DHX40: variants seen among roughly 807,000 people sequenced by gnomAD.
The protein encoded by DHX40 is probable ATP-dependent RNA helicase DHX40.
Under a neutral mutation model 89.6 loss-of-function variants are expected in DHX40, and 28 were observed. The ratio of observed to expected loss-of-function variants is 0.31; its 90% CI spans 0.23 to 0.43. DHX40 has a LOEUF of 0.43. Ranked by LOEUF, DHX40 falls within the 20% of genes least tolerant of loss-of-function variation. The pLI, the probability that DHX40 is intolerant of heterozygous loss-of-function variation, is 1.00. For missense variants in DHX40, 457 were observed against 844.0 expected, an observed-to-expected ratio of 0.54 and a Z score of 5.68; for synonymous variants, 226 against 283.6, an observed-to-expected ratio of 0.80 and a Z score of 2.04.
chr17:59,592,673 G>A (rs1416846749), intron 12 of DHX40, among the ~76,000 whole-genome samples: 1 of 133,956 alleles, frequency 7.5e-6, no homozygotes, highest in African/African-American at 2.9e-5. Flanking sequence ...CACTTCCTGG[G>A]TTCAAGCAGT....
rs763694059 is a variant in DHX40, at chr17:59,602,586, G to A, written c.1871G>A (p.Cys624Tyr). The change falls in exon 15 of 18, where the codon TGT (cysteine) becomes TAT (tyrosine). Residue 624 changes from cysteine (C) to tyrosine (Y), a missense_variant. Cys to Tyr is a radical substitution (Grantham distance 194). Around this residue, in one of 9 missense-constraint regions of DHX40, gnomAD observed 32 missense variants for 60.0 expected, o/e 0.53. Coordinates refer to ENST00000251241, the MANE Select transcript of DHX40 (RefSeq NM_024612.5). ...PKHEVLRRCL[C>Y]AGYFKNVARR... is the part of the protein sequence containing the mutation. ...CATGAAGTACTACGAAGATGTCTTT[G>A]TGCGGGCTATTTCAAAAATGTAGCT... is the stretch of plus-strand genomic sequence containing the variant. 6.2e-7 allele frequency: 1 copy of A among 1,613,854 alleles called. No individual in the cohort carries two copies. Among genetic ancestry groups the A allele is most frequent in the South Asian group, 1.1e-5 (1 of 91,050 alleles).
At chr17:59,572,539 T>A (rs2048824857) in intron 3 of DHX40, among the ~76,000 whole-genome samples, 2 of 152,246 alleles carry the variant, frequency 1.3e-5, no homozygotes, top group South Asian at 4.1e-4. Flanking sequence ...CCACCACACC[T>A]GGCTAATTTT....
chr17:59,607,129 A>C lies in DHX40; in HGVS notation c.2297A>C (p.Gln766Pro). ...GCTCGTTTCCTTGAGAGAAAGCAGCAGAGGACCCAGGACCACAGTGACACA... is the reference window on the plus strand; with the variant it reads ...GCTCGTTTCCTTGAGAGAAAGCAGCCGAGGACCCAGGACCACAGTGACACA... ...ARARFLERKQ[Q>P]RTQDHSDTRK... Residue 766 changes from glutamine (Q) to proline (P), a missense_variant, in exon 18 of 18, where the codon CAG (glutamine) becomes CCG (proline). Around this residue, in one of 9 missense-constraint regions of DHX40, gnomAD observed 120 missense variants for 161.7 expected, o/e 0.74. Coordinates refer to ENST00000251241, the MANE Select transcript of DHX40 (RefSeq NM_024612.5). 1.2e-6 allele frequency: 2 copies of C among 1,614,260 alleles called. No individual in the cohort carries two copies. The highest frequency in any genetic ancestry group is 1.7e-6 in the Non-Finnish European group (2 of 1,180,052).
At chr17:59,571,040 T>A (rs1409596424) in intron 3 of DHX40, among the ~76,000 whole-genome samples, 1 of 152,192 alleles carries the variant, frequency 6.6e-6, no homozygotes, top group Non-Finnish European at 1.5e-5. Flanking sequence ...ATTCTCTTAT[T>A]TATGTTTTTT....
rs532866774 is a variant in DHX40 at position 59,598,212 on chromosome 17, T to G, written c.1583-525T>G. 2.0e-5 allele frequency among the ~76,000 whole-genome samples: 3 copies of G among 152,236 alleles called. No homozygotes were observed. In the South Asian group the frequency reaches 6.2e-4, roughly 32 times the overall value. On this transcript the variant is annotated intron_variant, in intron 12 of 17. Coordinates refer to ENST00000251241, the MANE Select transcript of DHX40 (RefSeq NM_024612.5). Reference sequence around the variant, plus strand: ...AAGAATAATTCTATATGTACTGATATGGAGTTGTTATTAAATAAACAAATT... The same window carrying G: ...AAGAATAATTCTATATGTACTGATAGGGAGTTGTTATTAAATAAACAAATT...
Position 59,573,374 on chromosome 17 carries a change from G to A in DHX40, c.546+139G>A, listed in dbSNP as rs1472567466. 3 of 750,356 alleles carry A rather than the reference G, an allele frequency of 4.0e-6. No homozygotes were observed. The East Asian group carries it at 8.6e-5, about 21-fold the overall frequency. The allele number at this position is 750,356 out of a possible 1,614,324, so 46.5% of individuals were successfully genotyped here. ...AGATGGAGTCTTGCTCCATCACCCA[G>A]GCTGGAGAGCAGTGGCACGATCATA... On this transcript the variant is annotated intron_variant, in intron 4 of 17. Coordinates refer to ENST00000251241, the MANE Select transcript of DHX40 (RefSeq NM_024612.5).
At chr17:59,605,225 G>A in intron 16 of DHX40, 41 bp downstream of exon 16, 1 of 1,582,058 alleles carries the variant, frequency 6.3e-7, no homozygotes, top group South Asian at 1.1e-5. Context: ...AATTTGTAAA[G>A]TTGTAGAAAT....
At chr17:59,604,244 GGT>G (rs898683207) in intron 15 of DHX40, 1 of 152,022 alleles carries the variant, frequency 6.6e-6, no homozygotes, top group African/African-American at 2.4e-5. Flanking sequence ...AGGATGATGG[GGT>G]ATTAGGTTGG....
intron 12 of DHX40, among the ~76,000 whole-genome samples, chr17:59,598,495 A>G (rs570714876): frequency 4.6e-5 from 7 of 152,246 alleles, no homozygotes; most frequent in African/African-American, 1.7e-4. Context: ...TACTATTTTT[A>G]AAAGGCAAAT....
chr17:59,592,146 C>T (rs1461833575), intron 12 of DHX40, among the ~76,000 whole-genome samples: 1 of 151,624 alleles, frequency 6.6e-6, no homozygotes, highest in Non-Finnish European at 1.5e-5. Context: ...GCTGGGTTTA[C>T]AGGTGTAAGC....
intron 12 of DHX40, among the ~76,000 whole-genome samples, 177 bp downstream of exon 12, chr17:59,588,230 A>ACAAAACAAAAAAAAAC (rs918501933): frequency 7.0e-6 from 1 of 142,084 alleles, no homozygotes; most frequent in African/African-American, 3.0e-5. Flanking sequence ...AAAAAAAAAA[A>ACAAAACAAAAAAAAAC]AAAAAAAAAA....
intron 3 of DHX40, among the ~76,000 whole-genome samples, chr17:59,571,913 CGGGT>C (rs2048815372): frequency 6.6e-6 from 1 of 152,126 alleles, no homozygotes; most frequent in South Asian, 2.1e-4. Context: ...TTGCCTACTC[CGGGT>C]ACCTCATTCA....
chr17:59,571,401 G>A (rs2048805992), intron 3 of DHX40, among the ~76,000 whole-genome samples: 1 of 149,848 alleles, frequency 6.7e-6, no homozygotes, highest in Non-Finnish European at 1.5e-5. Flanking sequence ...AGGTTGCGGT[G>A]AGCTGAGATC....
rs1237785239 is a variant in DHX40 at position 59,572,477 on chromosome 17, C to T, written c.427-639C>T. On this transcript the variant is annotated intron_variant, in intron 3 of 17. Coordinates refer to ENST00000251241, the MANE Select transcript of DHX40 (RefSeq NM_024612.5). ...CACTGCAATCTCCGCCTCTCAGGCT[C>T]AAGCAGTCCTCCCGTCTCAGCCTCC... 3.9e-5 allele frequency among the ~76,000 whole-genome samples: 6 copies of T among 152,176 alleles called. No individual in the cohort carries two copies. In the East Asian group the frequency reaches 1.2e-3, roughly 29 times the overall value.
intron 11 of DHX40, among the ~76,000 whole-genome samples, chr17:59,586,851 A>G (rs1407569217): frequency 1.3e-5 from 2 of 151,936 alleles, no homozygotes; most frequent in African/African-American, 4.8e-5. Flanking sequence ...TAGGTTTGAT[A>G]TTAATAATTA....
chr17:59,576,046 C>T (rs1452363203), intron 7 of DHX40, among the ~76,000 whole-genome samples: 1 of 144,598 alleles, frequency 6.9e-6, no homozygotes, highest in African/African-American at 2.6e-5. Context: ...CTCGCCACCA[C>T]ACCTGGCTAA....
In DHX40 at chr17:59,607,043, G is replaced by A. The variant is rs745520253; in HGVS notation, c.2211G>A (p.Ser737=). 48 of 1,613,088 alleles carry A rather than the reference G, an allele frequency of 3.0e-5. No homozygotes were observed. The highest frequency in any genetic ancestry group is 2.1e-4 in the South Asian group (19 of 90,924). The change falls in exon 18 of 18, where the codon TCG becomes TCA. Residue 737 remains serine, a synonymous_variant. Transcript: ENST00000251241. ...ENVKQLKDGI[S]KDVLKKMQRR... is the part of the protein sequence containing the mutation. ...TTGTAATGTTTTCAGATGGAATATC[G>A]AAAGACGTCTTAAAGAAAATGCAAA...
At chr17:59,567,723 G>A (rs1287639826) in intron 2 of DHX40, among the ~76,000 whole-genome samples, 1 of 151,502 alleles carries the variant, frequency 6.6e-6, no homozygotes, top group African/African-American at 2.4e-5. Flanking sequence ...TCAGGAGATC[G>A]GGACCATCAT....
intron 1 of DHX40, among the ~76,000 whole-genome samples, chr17:59,566,209 G>C (rs1035309536): frequency 2.6e-5 from 4 of 152,110 alleles, no homozygotes; most frequent in African/African-American, 9.7e-5. Context: ...TCTGAACAGG[G>C]ACCTAACTTG....
Sources: allele counts gnomAD v4.1 joint callset (sites outside exome capture counted in the v4.1 genomes callset), GRCh38; gene constraint gnomAD v4.1.1; regional missense constraint gnomAD v4.1.1; transcripts MANE v1.5; gene names NCBI Gene and HGNC (gene_info 2026-07-23, HGNC 2026-07-21).